Variants in MYH14 observed in about 807,000 individuals in gnomAD.
The protein encoded by MYH14 is myosin heavy chain 14.
Under a neutral mutation model 255.5 loss-of-function variants are expected in MYH14, and 123 were observed. The observed-to-expected ratio is 0.48, with a 90% CI of 0.42 to 0.56. The LOEUF is 0.56. Among genes scored for constraint, MYH14 ranks in the 20% least tolerant of loss-of-function variants. The pLI is 0.00. For synonymous variants in MYH14, 1,095 were observed against 1,161.2 expected, an observed-to-expected ratio of 0.94 and a Z score of 1.16; for missense variants, 2,423 against 2,802.3, an observed-to-expected ratio of 0.86 and a Z score of 3.06.
In MYH14 at chr19:50,293,257, C is replaced by T. The variant is rs116035034; in HGVS notation, c.5281C>T (p.Arg1761Trp). The T allele has an allele frequency of 1.4e-5, 23 of 1,608,766 alleles. No individual in the cohort carries two copies. Among genetic ancestry groups the T allele is most frequent in the Middle Eastern group, 1.7e-4 (1 of 6,056 alleles). The change falls in exon 38 of 43, where the codon CGG (arginine) becomes TGG (tryptophan). Residue 1761 changes from arginine (R) to tryptophan (W), a missense_variant. Arg to Trp is a moderately radical substitution (Grantham distance 101). Coordinates refer to ENST00000642316, the MANE Select transcript of MYH14 (RefSeq NM_001145809.2). This position sits in a 1 kb window ranked among gnomAD's most constrained non-coding sequence, Gnocchi z 4.1. ...QEELAASDRARRQAQQDRDEM... is the reference protein window; with the variant it reads ...QEELAASDRAWRQAQQDRDEM... Reference sequence around the variant, plus strand: ...GGAACTGGCCGCCTCGGACCGTGCTCGGCGGCAGGCCCAGCAGGACCGGGA... The same window carrying T: ...GGAACTGGCCGCCTCGGACCGTGCTTGGCGGCAGGCCCAGCAGGACCGGGA...
Position 50,276,307 on chromosome 19 carries a change from C to A in MYH14, c.3680+104C>A. 1 of 967,058 alleles carries A rather than the reference C, an allele frequency of 1.0e-6. No homozygotes were observed. Among genetic ancestry groups the A allele is most frequent in the Non-Finnish European group, 1.5e-6 (1 of 673,062 alleles). 59.9% of individuals were successfully genotyped at this position (967,058 alleles called of 1,614,324 possible). On this transcript the variant is annotated intron_variant, in intron 28 of 42. Coordinates refer to ENST00000642316, the MANE Select transcript of MYH14 (RefSeq NM_001145809.2). The surrounding 1 kb of genome is among the most constrained non-coding windows in gnomAD (Gnocchi z 4.3). ...TCTATACAGAGGCTTACTTATTGTA[C>A]AGTTGTTCATGAACCACCGGCTCTA...
At chr19:50,294,621 T>C (rs1296830699) in intron 39 of MYH14, among the ~76,000 whole-genome samples, 1 of 151,390 alleles carries the variant, frequency 6.6e-6, no homozygotes, top group Admixed American at 6.6e-5. Flanking sequence ...TCCAACTACC[T>C]GGGAGGCTGA....
rs1314608362 is a variant in MYH14 at position 50,230,550 on chromosome 19, C to T, written c.900C>T (p.Ile300=). 1 of 1,568,364 alleles carries T rather than the reference C, an allele frequency of 6.4e-7. No individual in the cohort carries two copies. Among genetic ancestry groups the T allele is most frequent in the Non-Finnish European group, 8.6e-7 (1 of 1,157,178 alleles). The change falls in exon 9 of 43, where the codon ATC becomes ATT. Residue 300 remains isoleucine (I), a synonymous_variant. Transcript: ENST00000642316. This position sits in a 1 kb window ranked among gnomAD's most constrained non-coding sequence, Gnocchi z 4.7. ...ACCTGCTGGAGAAGTCGCGGGCCAT[C>T]CGCCAGGCCAAGGACGAGTGCAGCT... ...ETYLLEKSRA[I]RQAKDECSFH...
At chr19:50,297,781 G>T (rs1461043602) in intron 39 of MYH14, among the ~76,000 whole-genome samples, 2 of 152,016 alleles carry the variant, frequency 1.3e-5, no homozygotes, top group Non-Finnish European at 2.9e-5. Flanking sequence ...TTACAGGTGT[G>T]AGCCACCATT....
Position 50,301,844 on chromosome 19 carries a change from G to A in MYH14, c.5653G>A (p.Glu1885Lys). The A allele has an allele frequency of 1.2e-6, 2 of 1,613,206 alleles. No homozygotes were observed. Among genetic ancestry groups the A allele is most frequent in the Non-Finnish European group, 1.7e-6 (2 of 1,179,608 alleles). Residue 1885 changes from glutamate to lysine, a missense_variant, in exon 40 of 43, where the codon GAG (glutamate) becomes AAG (lysine). Coordinates refer to ENST00000642316, the MANE Select transcript of MYH14 (RefSeq NM_001145809.2). ...CCTTGAGTCTAAGTTGGCCCAGGCT[G>A]AGGAGCAGCTAGAGCAAGAGACCAG... ...AALESKLAQAEEQLEQETRER... is the reference protein window; with the variant it reads ...AALESKLAQAKEQLEQETRER...
chr19:50,305,421 C>G lies in MYH14; in HGVS notation c.5679-1628C>G, dbSNP rs113569435. Among the ~76,000 whole-genome samples the G allele has an allele frequency of 2.4e-3, 371 of 152,086 alleles. 1 individual carries two copies. Among genetic ancestry groups the G allele is most frequent in the African/African-American group, 8.5e-3 (352 of 41,468 alleles). Reference sequence around the variant, plus strand: ...AATATTGGCTTTTTGGAGGAAGATGCTAAATTCGTTGTGGAACTTGATGAG... The same window carrying G: ...AATATTGGCTTTTTGGAGGAAGATGGTAAATTCGTTGTGGAACTTGATGAG... On this transcript the variant is annotated intron_variant, in intron 40 of 42. Coordinates refer to ENST00000642316, the MANE Select transcript of MYH14 (RefSeq NM_001145809.2).
chr19:50,237,115 C>T (rs750172034), intron 10 of MYH14, among the ~76,000 whole-genome samples: 3 of 152,170 alleles, frequency 2.0e-5, no homozygotes, highest in Non-Finnish European at 4.4e-5. Flanking sequence ...TTGTAGCATG[C>T]AGTAGGTTTC....
chr19:50,227,124 C>T (rs1410597046), intron 8 of MYH14, among the ~76,000 whole-genome samples, 158 bp downstream of exon 8: 1 of 151,950 alleles, frequency 6.6e-6, no homozygotes, highest in African/African-American at 2.4e-5. Context: ...GAGGGTGGGA[C>T]TTCTGGTGTG....
Position 50,252,782 on chromosome 19 carries a change from C to T in MYH14, c.1945+29C>T. Reference sequence around the variant, plus strand: ...AGGACCCACTTCCCCCACCCCGGCTCTAGGGGTCTGTGCGGCCATTCTCCA... The same window carrying T: ...AGGACCCACTTCCCCCACCCCGGCTTTAGGGGTCTGTGCGGCCATTCTCCA... On this transcript the variant is annotated intron_variant, in intron 16 of 42. Coordinates refer to ENST00000642316, the MANE Select transcript of MYH14 (RefSeq NM_001145809.2). The surrounding 1 kb of genome is among the most constrained non-coding windows in gnomAD (Gnocchi z 4.2). 1 of 1,465,892 alleles carries T rather than the reference C, an allele frequency of 6.8e-7. No homozygotes were observed. Among genetic ancestry groups the T allele is most frequent in the Non-Finnish European group, 9.4e-7 (1 of 1,067,660 alleles). The allele number at this position is 1,465,892 out of a possible 1,614,324, so 90.8% of individuals were successfully genotyped here.
chr19:50,273,457 CCAAATGTGGTGCTTAGTGTTT>C (rs1157298707), intron 27 of MYH14, among the ~76,000 whole-genome samples: 1 of 152,046 alleles, frequency 6.6e-6, no homozygotes, highest in Non-Finnish European at 1.5e-5. Flanking sequence ...CTACTGTATG[CCAAATGTGGTGCTTAGTGTTT>C]CAAATGCTTT....
intron 12 of MYH14, among the ~76,000 whole-genome samples, chr19:50,248,784 C>T (rs1313814885): frequency 6.6e-6 from 1 of 152,198 alleles, no homozygotes; most frequent in Non-Finnish European, 1.5e-5. Flanking sequence ...CATCCGAGCC[C>T]GTCATGTAGT....
intron 1 of MYH14, among the ~76,000 whole-genome samples, chr19:50,208,380 A>C (rs970072126): frequency 2.9e-4 from 44 of 152,112 alleles, no homozygotes; most frequent in African/African-American, 1.0e-3. Context: ...AAGCCACTGC[A>C]CTCCAGCCTG....
rs1270300751 is a variant in MYH14, at chr19:50,210,657, C to T, written c.292C>T (p.Arg98Cys). The T allele has an allele frequency of 1.2e-5, 19 of 1,570,036 alleles. No individual in the cohort carries two copies. Among genetic ancestry groups the T allele is most frequent in the East Asian group, 2.4e-5 (1 of 42,004 alleles). Residue 98 changes from arginine (R) to cysteine (C), a missense_variant, in exon 2 of 43, where the codon CGC becomes TGC. Arg to Cys is a radical substitution (Grantham distance 180). Around this residue, in one of 3 missense-constraint regions of MYH14, gnomAD observed 238 missense variants for 245.8 expected, o/e 0.97. Transcript: ENST00000642316. ...GCGACTGCCGCGGGACCAGATCCAG[C>T]GCATGAACCCGCCCAAGTTCAGCAA... ...RLRLPRDQIQ[R>C]MNPPKFSKAE...
At chr19:50,257,515 G>A in intron 18 of MYH14, 29 bp downstream of exon 18, 1 of 1,565,882 alleles carries the variant, frequency 6.4e-7, no homozygotes, top group Non-Finnish European at 8.7e-7. Context: ...GGAGGAAGGG[G>A]TGGCTGTGGC....
At chr19:50,267,030 G>A (rs2035110800) in intron 23 of MYH14, 22 bp downstream of exon 23, 2 of 1,530,874 alleles carry the variant, frequency 1.3e-6, no homozygotes, top group South Asian at 1.2e-5. Context: ...GGGGCAGGGC[G>A]TGGGGGCGTG....
At chr19:50,214,511 C>G (rs1340060273) in intron 2 of MYH14, among the ~76,000 whole-genome samples, 3 of 152,094 alleles carry the variant, frequency 2.0e-5, no homozygotes, top group South Asian at 2.1e-4. Context: ...ACACCCCGCT[C>G]TGAGAAACAC....
intron 15 of MYH14, among the ~76,000 whole-genome samples, chr19:50,251,415 C>T (rs999200235): frequency 6.6e-6 from 1 of 151,242 alleles, no homozygotes; most frequent in African/African-American, 2.5e-5. Flanking sequence ...CAGAAGGGCC[C>T]CCATGAGTTT....
intron 39 of MYH14, among the ~76,000 whole-genome samples, chr19:50,299,038 C>G (rs7254963): frequency 6.6e-6 from 1 of 151,764 alleles, no homozygotes; most frequent in African/African-American, 2.4e-5. Context: ...CTGCAGTGAG[C>G]TATGATTGTG....
intron 17 of MYH14, among the ~76,000 whole-genome samples, chr19:50,255,893 A>C (rs1448497992): frequency 1.3e-5 from 2 of 150,462 alleles, no homozygotes; most frequent in Non-Finnish European, 3.0e-5. Flanking sequence ...TATCTAGTTG[A>C]CGGTTGATGG....
Sources: gnomAD v4.1 joint callset for allele counts (sites outside exome capture counted in the v4.1 genomes callset) on GRCh38, gnomAD v4.1.1 for gene constraint, gnomAD v4.1.1 regional missense constraint, Gnocchi (gnomAD v3.1) non-coding constraint, MANE v1.5 for transcripts, NCBI Gene and HGNC (gene_info 2026-07-23, HGNC 2026-07-21) for gene names.